Variants in DYNC2LI1 observed in about 807,000 individuals in gnomAD.
DYNC2LI1 encodes the protein dynein cytoplasmic 2 light intermediate chain 1, also known as cytoplasmic dynein 2 light intermediate chain 1.
In DYNC2LI1, 45 loss-of-function variants were observed where a neutral mutation model predicts 51.9. The observed-to-expected ratio is 0.87, with a 90% CI of 0.68 to 1.11. The LOEUF is 1.11. DYNC2LI1 is among the 50% of genes most tolerant of loss of function. The probability of loss-of-function intolerance (pLI) is 0.00; values close to 1 mark genes in which losing one functional copy is unlikely to be tolerated. For missense variants in DYNC2LI1, 490 were observed against 417.4 expected (o/e 1.17, Z -1.51); for synonymous variants, 130 against 137.8 (o/e 0.94, Z 0.40).
intron 1 of DYNC2LI1, among the ~76,000 whole-genome samples, chr2:43,776,198 A>G (rs1417302618): frequency 6.6e-6 from 1 of 151,628 alleles, no homozygotes; most frequent in Non-Finnish European, 1.5e-5. Context: ...CTAATTTATT[A>G]GTAGTAGTAG....
the DYNC2LI1 span, among the ~76,000 whole-genome samples, chr2:43,825,808 C>G: frequency 6.6e-6 from 1 of 152,180 alleles, no homozygotes; most frequent in Non-Finnish European, 1.5e-5. Context: ...CACTCTTTTC[C>G]TCTGTAAGGT....
intron 6 of DYNC2LI1, 199 bp downstream of exon 6, chr2:43,794,842 T>C (rs1257472916): frequency 6.9e-7 from 1 of 1,440,156 alleles, no homozygotes; most frequent in Non-Finnish European, 9.1e-7. Context: ...TTATATCTTC[T>C]TGTTAGACAT....
chr2:43,828,047 C>T, the DYNC2LI1 span: 15 of 1,614,040 alleles, frequency 9.3e-6, no homozygotes, highest in South Asian at 3.3e-5. Context: ...AAATGCCCCC[C>T]AAGCTGTAGT....
At chr2:43,780,571 G>A (rs1558664695) in intron 2 of DYNC2LI1, among the ~76,000 whole-genome samples, 1 of 152,182 alleles carries the variant, frequency 6.6e-6, no homozygotes, top group Non-Finnish European at 1.5e-5. Context: ...TAACAAGGCT[G>A]CAGAGGAAGG....
At chr2:43,826,476 G>C in the DYNC2LI1 span, 5 of 1,614,094 alleles carry the variant, frequency 3.1e-6, no homozygotes, top group African/African-American at 6.7e-5. Context: ...CTGATTAGCA[G>C]TCATGCAGTC....
intron 10 of DYNC2LI1, 96 bp from the exon 11 acceptor site, chr2:43,804,546 C>G (rs549243944): frequency 1.3e-6 from 1 of 774,216 alleles, no homozygotes; most frequent in Non-Finnish European, 2.0e-6. Context: ...ATGAGTGATC[C>G]GAGATGTATA....
At chr2:43,784,209 G>C (rs936830458) in intron 3 of DYNC2LI1, among the ~76,000 whole-genome samples, 2 of 152,098 alleles carry the variant, frequency 1.3e-5, no homozygotes, top group Non-Finnish European at 2.9e-5. Flanking sequence ...TATTTTTAAA[G>C]GATACAAATA....
At chr2:43,812,800 G>T, downstream of DYNC2LI1, 2 of 288,716 alleles carry the variant, frequency 6.9e-6, no homozygotes, top group Non-Finnish European at 1.3e-5. Flanking sequence ...ATTTTTTTCT[G>T]TGCCTAGAAC....
intron 12 of DYNC2LI1, 90 bp downstream of exon 12, chr2:43,805,336 A>T: frequency 1.4e-6 from 1 of 726,958 alleles, no homozygotes; most frequent in Non-Finnish European, 2.3e-6. Flanking sequence ...TTCTCTATGT[A>T]TTTACTTAGA....
At chr2:43,810,854 TTGG>T (rs1221696858), downstream of DYNC2LI1, among the ~76,000 whole-genome samples, 1 of 152,214 alleles carries the variant, frequency 6.6e-6, no homozygotes, top group Non-Finnish European at 1.5e-5. Context: ...CATCACTGAC[TTGG>T]TGGGAAGAAA....
At chr2:43,805,548 G>A (rs1666220796) in intron 12 of DYNC2LI1, 1 of 174,072 alleles carries the variant, frequency 5.7e-6, no homozygotes, top group Non-Finnish European at 1.2e-5. Context: ...GATGAGTGGT[G>A]ATTCTTACCT....
chr2:43,798,914 A>G (rs1572714737), intron 8 of DYNC2LI1, among the ~76,000 whole-genome samples: 1 of 146,032 alleles, frequency 6.8e-6, no homozygotes. Flanking sequence ...GAAATTTAGC[A>G]GGGTTTTTTT....
intron 8 of DYNC2LI1, among the ~76,000 whole-genome samples, chr2:43,797,627 C>T (rs933594818): frequency 6.9e-6 from 1 of 145,438 alleles, no homozygotes; most frequent in Non-Finnish European, 1.5e-5. Context: ...TCAAGTGATT[C>T]TCCTGCCTCA....
downstream of DYNC2LI1, chr2:43,812,748 C>A: frequency 9.7e-6 from 2 of 205,566 alleles, 1 homozygote; most frequent in South Asian, 1.8e-4. Context: ...TTTATTTTTG[C>A]CTAATCCTTT....
intron 3 of DYNC2LI1, among the ~76,000 whole-genome samples, chr2:43,786,489 G>T (rs1051213507): frequency 2.6e-5 from 4 of 152,012 alleles, no homozygotes; most frequent in African/African-American, 9.7e-5. Flanking sequence ...GCCAAGTCTT[G>T]CATTGATGTT....
At chr2:43,819,920 G>A in the DYNC2LI1 span, 7 of 1,613,858 alleles carry the variant, frequency 4.3e-6, no homozygotes, top group Non-Finnish European at 5.9e-6. Context: ...CTTACCTGAG[G>A]AATCCAGATC....
intron 5 of DYNC2LI1, 146 bp downstream of exon 5, chr2:43,789,867 T>G (rs1673696641): frequency 1.7e-6 from 1 of 590,766 alleles, no homozygotes; most frequent in African/African-American, 1.9e-5. Context: ...ATGCCTAACC[T>G]GTAATGCTTT....
intron 12 of DYNC2LI1, 70 bp downstream of exon 12, chr2:43,805,316 C>A: frequency 1.1e-6 from 1 of 941,226 alleles, no homozygotes; most frequent in Non-Finnish European, 1.7e-6. Flanking sequence ...CTTGGGAATT[C>A]CTTACATTTT....
the DYNC2LI1 span, among the ~76,000 whole-genome samples, chr2:43,821,807 C>G: frequency 1.3e-5 from 2 of 152,108 alleles, no homozygotes; most frequent in Non-Finnish European, 2.9e-5. Flanking sequence ...TGCTCAGCAG[C>G]TGAATTCACC....
Sources: gnomAD v4.1 joint callset for allele counts (sites outside exome capture counted in the v4.1 genomes callset) on GRCh38, gnomAD v4.1.1 for gene constraint, MANE v1.5 for transcripts, NCBI Gene and HGNC (gene_info 2026-07-23, HGNC 2026-07-21) for gene names.